The following SLC6A7 variants were observed in gnomAD, a reference collection of about 807,000 sequenced individuals.
SLC6A7 encodes the protein sodium-dependent proline transporter.
A neutral mutation model predicts 73.1 loss-of-function variants in SLC6A7; 58 were observed. The ratio of observed to expected loss-of-function variants is 0.79; its 90% CI spans 0.64 to 0.99. The LOEUF (loss-of-function observed/expected upper bound fraction) is 0.99, where lower values mean the gene tolerates loss of function less well. Ranked by LOEUF, SLC6A7 falls within the 50% of genes least tolerant of loss-of-function variation. The pLI is 0.00. For missense variants in SLC6A7, 783 were observed against 831.4 expected (o/e 0.94, Z 0.72); for synonymous variants, 338 against 338.7 (o/e 1.00, Z 0.02).
chr5:150,201,868 A>G (rs547327632), intron 6 of SLC6A7, among the ~76,000 whole-genome samples: 11 of 152,264 alleles, frequency 7.2e-5, no homozygotes, highest in African/African-American at 9.6e-5. Flanking sequence ...CCCTCCTCCC[A>G]TGAAGTAGGC....
At chr5:150,190,456 C>G in intron 1 of SLC6A7, 96 bp downstream of exon 1, 1 of 804,642 alleles carries the variant, frequency 1.2e-6, no homozygotes, top group Non-Finnish European at 1.8e-6. Flanking sequence ...TGAGGATGCA[C>G]CCAGACCAGC....
rs748296790 is a variant in SLC6A7, at chr5:150,204,827, G to T, written c.1433G>T (p.Gly478Val). Reference protein sequence around the residue: ...TTCLAVTRVYGIQRFCRDIHM... With the variant: ...TTCLAVTRVYVIQRFCRDIHM... Reference sequence around the variant, plus strand: ...ATTCCTCCTCCCCTCCCCTGTGCAGGCATTCAGAGGTTCTGCCGAGACATC... The same window carrying T: ...ATTCCTCCTCCCCTCCCCTGTGCAGTCATTCAGAGGTTCTGCCGAGACATC... The change falls in exon 12 of 14, where the codon GGC (glycine) becomes GTC (valine). Residue 478 changes from glycine to valine, a missense_variant and splice_region_variant. Physicochemically the swap from Gly to Val is moderately radical, Grantham distance 109 (BLOSUM62 -3). Transcript: ENST00000230671. 10 of 1,606,934 alleles carry T rather than the reference G, an allele frequency of 6.2e-6. No homozygotes were observed. The Admixed American group carries it at 8.3e-5, about 13-fold the overall frequency.
At chr5:150,196,104 G>A (rs551031292) in intron 2 of SLC6A7, among the ~76,000 whole-genome samples, 25 of 152,276 alleles carry the variant, frequency 1.6e-4, no homozygotes, top group South Asian at 6.2e-4. Flanking sequence ...AGGTGCCCAC[G>A]GGGGAAGGAG....
chr5:150,204,764 A>C, intron 11 of SLC6A7, 63 bp from the exon 12 acceptor site: 1 of 1,379,318 alleles, frequency 7.2e-7, no homozygotes, highest in South Asian at 1.2e-5. Context: ...GGGGTAGAGG[A>C]GGGGCTGCTG....
Position 150,202,393 on chromosome 5 carries a change from G to A in SLC6A7, c.905G>A (p.Gly302Asp), listed in dbSNP as rs368619756. The change falls in exon 7 of 14, where the codon GGC (glycine) becomes GAC (aspartate). Residue 302 changes from glycine to aspartate, a missense_variant. By Grantham distance (94) the Gly-to-Asp change is moderately conservative. Transcript: ENST00000230671. ...ALQIFYSLGV[G>D]FGGLLTFASY... ...CAGATCTTCTATTCCCTGGGTGTGG[G>A]CTTCGGGGGGCTCCTCACCTTTGCC... The A allele has an allele frequency of 6.2e-7, 1 of 1,614,156 alleles. No individual in the cohort carries two copies. Among genetic ancestry groups the A allele is most frequent in the Non-Finnish European group, 8.5e-7 (1 of 1,180,008 alleles).
rs1391059457 is a variant in SLC6A7 at position 150,205,051 on chromosome 5, A to G, written c.1533+124A>G. 7.9e-6 allele frequency: 5 copies of G among 629,434 alleles called. No homozygotes were observed. The East Asian group carries it at 1.4e-4, about 17-fold the overall frequency. 39.0% of individuals were successfully genotyped at this position (629,434 alleles called of 1,614,324 possible). On this transcript the variant is annotated intron_variant, in intron 12 of 13. Transcript: ENST00000230671. ...AGTGGAGGGCTGTGGGGTGGCCACC[A>G]GAATCCTAGTCCATCCCCTCCCCTG... is the stretch of plus-strand genomic sequence containing the variant.
Position 150,203,724 on chromosome 5 carries a change from C to T in SLC6A7, c.1145C>T (p.Pro382Leu). ...PQAMTMLPLSPFWSFLFFFML... is the reference protein window; with the variant it reads ...PQAMTMLPLSLFWSFLFFFML... ...GCCATGACCATGCTGCCTCTGTCAC[C>T]CTTCTGGTCCTTTCTCTTCTTCTTC... The change falls in exon 9 of 14, where the codon CCC becomes CTC. Residue 382 changes from proline to leucine, a missense_variant. Physicochemically the swap from Pro to Leu is moderately conservative, Grantham distance 98. Transcript: ENST00000230671. 6.2e-7 allele frequency: 1 copy of T among 1,612,724 alleles called. No individual in the cohort carries two copies. Among genetic ancestry groups the T allele is most frequent in the Non-Finnish European group, 8.5e-7 (1 of 1,178,946 alleles).
rs563388668 is a variant in SLC6A7, at chr5:150,207,157, A to T, written c.1701+1534A>T. Among the ~76,000 whole-genome samples, 266 of 151,788 alleles carry T rather than the reference A, an allele frequency of 1.8e-3. 1 individual carries two copies. Among genetic ancestry groups the T allele is most frequent in the African/African-American group, 6.2e-3 (258 of 41,422 alleles). On this transcript the variant is annotated intron_variant, in intron 13 of 13. Coordinates refer to ENST00000230671, the MANE Select transcript of SLC6A7 (RefSeq NM_014228.5). ...TCTTTATTTTTATTTTATTTTATTTATTTTTTTTGTTGAGACAGAGTGTTG... is the reference window on the plus strand; with the variant it reads ...TCTTTATTTTTATTTTATTTTATTTTTTTTTTTTGTTGAGACAGAGTGTTG...
chr5:150,199,499 A>AGAC, intron 5 of SLC6A7, 133 bp downstream of exon 5: 1 of 627,724 alleles, frequency 1.6e-6, no homozygotes, highest in East Asian at 2.8e-5. Context: ...GAGAGCCTTG[A>AGAC]GACTGGGGGA....
chr5:150,201,548 C>T (rs764111525), intron 6 of SLC6A7, among the ~76,000 whole-genome samples: 3 of 152,048 alleles, frequency 2.0e-5, no homozygotes, highest in South Asian at 2.1e-4. Flanking sequence ...TCCAAGAATA[C>T]GATATATTGT....
intron 2 of SLC6A7, among the ~76,000 whole-genome samples, chr5:150,196,172 A>G (rs1424811140): frequency 6.6e-6 from 1 of 152,152 alleles, no homozygotes; most frequent in Non-Finnish European, 1.5e-5. Flanking sequence ...ACTTCCAACT[A>G]ATTCTGCCCA....
chr5:150,203,820 G>GTGT (rs1554116761), intron 9 of SLC6A7, 41 bp downstream of exon 9: 31 of 802,598 alleles, frequency 3.9e-5, no homozygotes, highest in South Asian at 1.1e-4. Flanking sequence ...GTGTGTGTGT[G>GTGT]GTGTGTGTGT....
At chr5:150,204,503 G>T (rs746491760) in intron 10 of SLC6A7, 29 bp from the exon 11 acceptor site, 252 of 1,532,058 alleles carry the variant, frequency 1.6e-4, no homozygotes, top group Non-Finnish European at 2.2e-4. Context: ...GCCCAGGAAG[G>T]GGACACCAGA....
chr5:150,199,240 C>T lies in SLC6A7; in HGVS notation c.597C>T (p.Leu199=). 3 of 1,605,940 alleles carry T rather than the reference C, an allele frequency of 1.9e-6. No homozygotes were observed. Among genetic ancestry groups the T allele is most frequent in the Non-Finnish European group, 2.6e-6 (3 of 1,175,058 alleles). Residue 199 remains leucine, a synonymous_variant, in exon 5 of 14, where the codon CTC becomes CTT. Coordinates refer to ENST00000230671, the MANE Select transcript of SLC6A7 (RefSeq NM_014228.5). ...TTGTCTCCCACAGCCGCTACGTCCT[C>T]CACATCCAAGGCAGCCAGGGCATCG... ...PSEEYWSRYV[L]HIQGSQGIGS... is the part of the protein sequence containing the mutation.
At chr5:150,208,748 G>A (rs1258468705) in intron 13 of SLC6A7, among the ~76,000 whole-genome samples, 3 of 152,154 alleles carry the variant, frequency 2.0e-5, no homozygotes, top group African/African-American at 7.2e-5. Flanking sequence ...AGAGGGATTT[G>A]GGAATGTGGT....
At chr5:150,196,412 A>G (rs1473781516) in intron 2 of SLC6A7, among the ~76,000 whole-genome samples, 3 of 152,110 alleles carry the variant, frequency 2.0e-5, no homozygotes, top group Non-Finnish European at 4.4e-5. Context: ...TGTACTGAGG[A>G]GTCTGCACTT....
intron 2 of SLC6A7, 110 bp from the exon 3 acceptor site, chr5:150,196,606 T>G: frequency 9.5e-7 from 1 of 1,050,628 alleles, no homozygotes; most frequent in African/African-American, 1.6e-5. Flanking sequence ...ACCTACAGTG[T>G]TCCATCAGGT....
chr5:150,198,121 G>GA (rs1326770305), intron 4 of SLC6A7, among the ~76,000 whole-genome samples: 20 of 111,840 alleles, frequency 1.8e-4, no homozygotes, highest in African/African-American at 6.0e-4. Flanking sequence ...GAAAGAGAAA[G>GA]AAAGAAAGAA....
Position 150,209,655 on chromosome 5 carries a change from C to T in SLC6A7, c.*40C>T. On this transcript the variant is annotated 3_prime_UTR_variant, in exon 14 of 14. Transcript: ENST00000230671. ...GGGCAGAAGGCCCTGCCCGGGACCTCACAGTCCCTTCTTAGAAGCCTGCAA... is the reference window on the plus strand; with the variant it reads ...GGGCAGAAGGCCCTGCCCGGGACCTTACAGTCCCTTCTTAGAAGCCTGCAA... 1 of 1,463,554 alleles carries T rather than the reference C, an allele frequency of 6.8e-7. No homozygotes were observed. The highest frequency in any genetic ancestry group is 9.4e-7 in the Non-Finnish European group (1 of 1,065,014). 90.7% of individuals were successfully genotyped at this position (1,463,554 alleles called of 1,614,324 possible).
Sources: gnomAD v4.1 joint callset for allele counts (sites outside exome capture counted in the v4.1 genomes callset) on GRCh38, gnomAD v4.1.1 for gene constraint, MANE v1.5 for transcripts, NCBI Gene and HGNC (gene_info 2026-07-23, HGNC 2026-07-21) for gene names.